ERLIN1: variants seen among roughly 807,000 people sequenced by gnomAD.
ERLIN1 encodes the protein ER lipid raft associated 1.
In ERLIN1, 24 loss-of-function variants were observed where a neutral mutation model predicts 46.9. The ratio of observed to expected loss-of-function variants is 0.51; its 90% CI spans 0.37 to 0.72. The LOEUF is 0.72. Among genes scored for constraint, ERLIN1 ranks in the 30% least tolerant of loss-of-function variants. The pLI is 0.00. For synonymous variants in ERLIN1, 158 were observed against 143.2 expected (o/e 1.10, Z -0.74); for missense variants, 293 against 417.9 (o/e 0.70, Z 2.61).
At chr10:100,175,505 C>A (rs1844243801) in intron 5 of ERLIN1, among the ~76,000 whole-genome samples, 1 of 152,160 alleles carries the variant, frequency 6.6e-6, no homozygotes, top group African/African-American at 2.4e-5. Context: ...GAAGCCTGCA[C>A]CTGCTTTCCT....
intron 8 of ERLIN1, 35 bp from the exon 9 acceptor site, chr10:100,156,269 A>T (rs757198125): frequency 3.6e-6 from 5 of 1,405,206 alleles, no homozygotes; most frequent in Non-Finnish European, 5.0e-6. Context: ...CACATTCAAA[A>T]CCATTTCTAC....
intron 1 of ERLIN1, among the ~76,000 whole-genome samples, chr10:100,185,153 AG>A (rs1466050500): frequency 6.6e-6 from 1 of 152,190 alleles, no homozygotes; most frequent in Non-Finnish European, 1.5e-5. Flanking sequence ...ATAAACATAC[AG>A]CATCTACAGC....
intron 10 of ERLIN1, among the ~76,000 whole-genome samples, chr10:100,152,919 T>C (rs1842883301): frequency 6.6e-6 from 1 of 152,050 alleles, no homozygotes; most frequent in Admixed American, 6.6e-5. Flanking sequence ...GGTTCAATTA[T>C]AGCTCGCTGC....
rs1405581631 is a variant in ERLIN1 at position 100,176,011 on chromosome 10, T to C, written c.364A>G (p.Ile122Val). 4 of 1,613,150 alleles carry C rather than the reference T, an allele frequency of 2.5e-6. No individual in the cohort carries two copies. The highest frequency in any genetic ancestry group is 3.4e-6 in the Non-Finnish European group (4 of 1,179,370). The change falls in exon 5 of 11, where the codon ATC (isoleucine) becomes GTC (valine). Residue 122 changes from isoleucine (I) to valine (V), a missense_variant. Physicochemically the swap from Ile to Val is conservative, Grantham distance 29. Transcript: ENST00000421367. Reference protein sequence around the residue: ...DYDKTLIFNKIHHELNQFCSA... With the variant: ...DYDKTLIFNKVHHELNQFCSA... ...CAGAACTGGTTCAGCTCATGGTGGA[T>C]TTTATTGAAGATTAAGGTCTTGTCA...
chr10:100,150,451 G>T lies in ERLIN1; in HGVS notation c.*1680C>A, dbSNP rs1027903323. 4 of 152,724 alleles carry T rather than the reference G, an allele frequency of 2.6e-5. No homozygotes were observed. The highest frequency in any genetic ancestry group is 3.9e-4 in the East Asian group (2 of 5,188). 9.5% of individuals were successfully genotyped at this position (152,724 alleles called of 1,614,324 possible). ...CTGCAGCAACAATTCGACAGGTAAA[G>T]ATTTTATTTTTATAATTCAAAAGTT... On this transcript the variant is annotated 3_prime_UTR_variant, in exon 11 of 11. Transcript: ENST00000421367.
chr10:100,185,952 C>A lies in ERLIN1; in HGVS notation c.-326G>T. On this transcript the variant is annotated 5_prime_UTR_variant, in exon 1 of 11. Transcript: ENST00000421367. ...TCGCGAGGAAAGCCGACCCCTCGGCCGCGCCTCACCGATCAGTGACGCATC... is the reference window on the plus strand; with the variant it reads ...TCGCGAGGAAAGCCGACCCCTCGGCAGCGCCTCACCGATCAGTGACGCATC... The A allele has an allele frequency of 2.2e-6, 1 of 464,518 alleles. No individual in the cohort carries two copies. The highest frequency in any genetic ancestry group is 4.0e-5 in the Admixed American group (1 of 24,700). The allele number at this position is 464,518 out of a possible 1,614,324, so 28.8% of individuals were successfully genotyped here. A position where few individuals can be genotyped will look rare whatever the true frequency, so the allele number is the denominator to read the frequency against.
At chr10:100,157,652 A>G (rs1160650870) in intron 8 of ERLIN1, among the ~76,000 whole-genome samples, 1 of 152,192 alleles carries the variant, frequency 6.6e-6, no homozygotes, top group East Asian at 1.9e-4. Flanking sequence ...TGTAAAATCA[A>G]TCTATATTAC....
rs1842820866 is a variant in ERLIN1 at position 100,151,953 on chromosome 10, T to C, written c.*178A>G. The C allele has an allele frequency of 6.0e-6, 4 of 667,650 alleles. No individual in the cohort carries two copies. The highest frequency in any genetic ancestry group is 3.2e-5 in the South Asian group (2 of 62,258). 41.4% of individuals were successfully genotyped at this position (667,650 alleles called of 1,614,324 possible). A position where few individuals can be genotyped will look rare whatever the true frequency, so the allele number is the denominator to read the frequency against. Reference sequence around the variant, plus strand: ...GATAAGACTGTGGCTGAAAAGACCATTTGTGTGTCAGACAGCTGGCTCTAT... The same window carrying C: ...GATAAGACTGTGGCTGAAAAGACCACTTGTGTGTCAGACAGCTGGCTCTAT... On this transcript the variant is annotated 3_prime_UTR_variant, in exon 11 of 11. Transcript: ENST00000421367.
chr10:100,165,628 C>T (rs915564442), intron 7 of ERLIN1, among the ~76,000 whole-genome samples: 49 of 152,160 alleles, frequency 3.2e-4, no homozygotes, highest in African/African-American at 9.9e-4. Context: ...CCTCGTGATC[C>T]GCCCACCTTG....
rs1589503803 is a variant in ERLIN1, at chr10:100,152,008, C to G, written c.*123G>C. On this transcript the variant is annotated 3_prime_UTR_variant, in exon 11 of 11. Coordinates refer to ENST00000421367, the MANE Select transcript of ERLIN1 (RefSeq NM_006459.4). ...CAATCAGTGGAGCACCCAGGACTAT[C>G]GCAGGAGAGGTGGAACAGATGAAGT... 1.4e-6 allele frequency: 1 copy of G among 733,986 alleles called. No individual in the cohort carries two copies. Among genetic ancestry groups the G allele is most frequent in the African/African-American group, 1.7e-5 (1 of 57,844 alleles). 45.5% of individuals were successfully genotyped at this position (733,986 alleles called of 1,614,324 possible).
intron 7 of ERLIN1, among the ~76,000 whole-genome samples, chr10:100,165,481 A>G (rs895517523): frequency 6.1e-5 from 9 of 146,368 alleles, no homozygotes; most frequent in South Asian, 2.1e-4. Flanking sequence ...TCGCCTCCTG[A>G]GTTCACGCCA....
intron 10 of ERLIN1, among the ~76,000 whole-genome samples, chr10:100,153,425 A>G (rs1005580250): frequency 1.3e-5 from 2 of 152,078 alleles, no homozygotes; most frequent in Non-Finnish European, 2.9e-5. Context: ...ACCCATTTCC[A>G]CTGTTCCCTG....
chr10:100,178,151 T>C lies in ERLIN1; in HGVS notation c.286A>G (p.Met96Val). ...IYIDRIEVVNMLAPYAVFDIV... is the reference protein window; with the variant it reads ...IYIDRIEVVNVLAPYAVFDIV... ...AACATACCTGCATAAGGAGCCAACATATTAACCACTTCTATTCGGTCAATA... is the reference window on the plus strand; with the variant it reads ...AACATACCTGCATAAGGAGCCAACACATTAACCACTTCTATTCGGTCAATA... The change falls in exon 4 of 11, where the codon ATG becomes GTG. Residue 96 changes from methionine to valine, a missense_variant. Coordinates refer to ENST00000421367, the MANE Select transcript of ERLIN1 (RefSeq NM_006459.4). 8 of 1,580,834 alleles carry C rather than the reference T, an allele frequency of 5.1e-6. No homozygotes were observed. Among genetic ancestry groups the C allele is most frequent in the Non-Finnish European group, 6.9e-6 (8 of 1,161,662 alleles).
intron 5 of ERLIN1, among the ~76,000 whole-genome samples, chr10:100,174,627 G>A (rs1844188894): frequency 6.6e-6 from 1 of 152,136 alleles, no homozygotes; most frequent in South Asian, 2.1e-4. Context: ...TCTAATAAAT[G>A]GAGAATCTGG....
chr10:100,166,870 T>C (rs189053875), intron 7 of ERLIN1, among the ~76,000 whole-genome samples: 14 of 152,266 alleles, frequency 9.2e-5, no homozygotes, highest in Admixed American at 4.6e-4. Context: ...AAGCAAGGCT[T>C]CCCTAGAGGC....
intron 6 of ERLIN1, among the ~76,000 whole-genome samples, chr10:100,169,567 C>G (rs1380892663): frequency 6.6e-6 from 1 of 150,868 alleles, no homozygotes; most frequent in Non-Finnish European, 1.5e-5. Context: ...GCAGTGAATT[C>G]AAGTTGTAGA....
intron 6 of ERLIN1, 127 bp downstream of exon 6, chr10:100,174,081 T>G (rs750800400): frequency 1.2e-5 from 8 of 650,856 alleles, no homozygotes; most frequent in Non-Finnish European, 2.2e-5. Context: ...AAAGTCAAAT[T>G]GAGAAAGGTA....
intron 6 of ERLIN1, among the ~76,000 whole-genome samples, chr10:100,172,049 C>T (rs904403556): frequency 2.0e-5 from 3 of 152,028 alleles, no homozygotes; most frequent in African/African-American, 7.3e-5. Flanking sequence ...ATCATCAATC[C>T]CACTTCAAGA....
intron 8 of ERLIN1, among the ~76,000 whole-genome samples, chr10:100,157,695 G>C (rs1194250743): frequency 6.6e-6 from 1 of 152,078 alleles, no homozygotes; most frequent in East Asian, 1.9e-4. Context: ...ATGTTCAATG[G>C]GGCTAGAAAT....
Sources: gnomAD v4.1 joint callset for allele counts (sites outside exome capture counted in the v4.1 genomes callset) on GRCh38, gnomAD v4.1.1 for gene constraint, MANE v1.5 for transcripts, NCBI Gene and HGNC (gene_info 2026-07-23, HGNC 2026-07-21) for gene names.